The following ADAM10 variants were observed in gnomAD, a reference collection of about 807,000 sequenced individuals.
ADAM10 encodes ADAM metallopeptidase domain 10, also known as disintegrin and metalloproteinase domain-containing protein 10.
A neutral mutation model predicts 90.1 loss-of-function variants in ADAM10; 17 were observed. The ratio of observed to expected loss-of-function variants is 0.19; its 90% CI spans 0.13 to 0.28. The LOEUF (loss-of-function observed/expected upper bound fraction) is 0.28. ADAM10 is among the 10% of genes least tolerant of loss of function. ADAM10 has a pLI of 1.00. For missense variants in ADAM10, 610 were observed against 914.3 expected (o/e 0.67, Z 4.29); for synonymous variants, 310 against 298.6 (o/e 1.04, Z -0.40).
In ADAM10 at chr15:58,611,032, T is replaced by C. The variant is rs755991326; in HGVS notation, c.1771A>G (p.Lys591Glu). 1 of 1,613,780 alleles carries C rather than the reference T, an allele frequency of 6.2e-7. No homozygotes were observed. The highest frequency in any genetic ancestry group is 1.1e-5 in the South Asian group (1 of 91,078). ...ATACAGCATACATGGCATAATTCTT[T>C]ATCATCTTTGCCATCAGAACTGGCA... The part of the protein sequence containing the change: ...TCASSDGKDD[K>E]ELCHVCCMKK... The change falls in exon 13 of 16, where the codon AAA (lysine) becomes GAA (glutamate). Residue 591 changes from lysine to glutamate, a missense_variant. Transcript: ENST00000260408.
intron 14 of ADAM10, among the ~76,000 whole-genome samples, chr15:58,603,749 C>T (rs1305340662): frequency 1.3e-5 from 2 of 151,878 alleles, no homozygotes; most frequent in Middle Eastern, 3.4e-3. Context: ...AAAACTTGAG[C>T]ACACGATAAA....
At chr15:58,710,504 T>A (rs1898440233) in intron 2 of ADAM10, among the ~76,000 whole-genome samples, 1 of 152,208 alleles carries the variant, frequency 6.6e-6, no homozygotes, top group Admixed American at 6.5e-5. Context: ...ACAGCTTTCT[T>A]GGGATTTTAA....
intron 2 of ADAM10, among the ~76,000 whole-genome samples, chr15:58,702,626 AAAT>A (rs1414674371): frequency 6.6e-6 from 1 of 152,230 alleles, no homozygotes; most frequent in Non-Finnish European, 1.5e-5. Flanking sequence ...TTTTAAAACA[AAAT>A]AATGTCTAAG....
chr15:58,657,847 G>A (rs1453577969), intron 5 of ADAM10, among the ~76,000 whole-genome samples: 1 of 151,372 alleles, frequency 6.6e-6, no homozygotes, highest in Non-Finnish European at 1.5e-5. Flanking sequence ...TTCTTGGAAA[G>A]GCTTTCCAGG....
intron 9 of ADAM10, 37 bp from the exon 10 acceptor site, chr15:58,627,920 T>A: frequency 6.3e-7 from 1 of 1,599,620 alleles, no homozygotes. Context: ...AAACAGGAAG[T>A]AAAATAAGGT....
chr15:58,706,495 T>A (rs1055858113), intron 2 of ADAM10, among the ~76,000 whole-genome samples: 3 of 152,216 alleles, frequency 2.0e-5, no homozygotes, highest in Non-Finnish European at 4.4e-5. Flanking sequence ...AAGTTGCCAA[T>A]ATTAACAACA....
intron 5 of ADAM10, 91 bp from the exon 6 acceptor site, chr15:58,646,295 T>C (rs1320557195): frequency 1.5e-6 from 2 of 1,305,446 alleles, no homozygotes; most frequent in African/African-American, 3.0e-5. Context: ...CAATTTCATA[T>C]TCTGCTTTAT....
chr15:58,742,450 A>C (rs1247329597), intron 1 of ADAM10, among the ~76,000 whole-genome samples: 2 of 152,162 alleles, frequency 1.3e-5, no homozygotes, highest in Non-Finnish European at 2.9e-5. Context: ...CATTACATAC[A>C]TTTTCGACTT....
chr15:58,606,017 G>C (rs180760292), intron 14 of ADAM10, among the ~76,000 whole-genome samples: 4 of 152,234 alleles, frequency 2.6e-5, no homozygotes, highest in Non-Finnish European at 4.4e-5. Context: ...TCAGACATAA[G>C]ATAATCTACT....
At chr15:58,615,064 G>A (rs554241159) in intron 11 of ADAM10, among the ~76,000 whole-genome samples, 160 of 152,202 alleles carry the variant, frequency 1.1e-3, no homozygotes, top group African/African-American at 3.7e-3. Flanking sequence ...CACGAGGTCA[G>A]GAGATCGAAA....
intron 1 of ADAM10, 107 bp downstream of exon 1, chr15:58,749,373 G>A: frequency 8.1e-7 from 1 of 1,234,616 alleles, no homozygotes; most frequent in East Asian, 3.6e-5. Context: ...CCGCTGGCCG[G>A]CTGGGCTGAC....
intron 1 of ADAM10, among the ~76,000 whole-genome samples, chr15:58,745,884 G>C (rs1899775424): frequency 6.6e-6 from 1 of 152,120 alleles, no homozygotes; most frequent in Non-Finnish European, 1.5e-5. Flanking sequence ...ACTAGTATCT[G>C]GATTTCCAAG....
At chr15:58,706,620 G>A (rs2140798858) in intron 2 of ADAM10, among the ~76,000 whole-genome samples, 2 of 152,220 alleles carry the variant, frequency 1.3e-5, no homozygotes, top group South Asian at 4.1e-4. Flanking sequence ...GGGAAGAGGA[G>A]AGGAACTGGA....
chr15:58,615,242 C>A (rs1055410291), intron 11 of ADAM10, among the ~76,000 whole-genome samples: 9 of 135,400 alleles, frequency 6.6e-5, no homozygotes, highest in African/African-American at 2.5e-4. Flanking sequence ...CCACTGCACT[C>A]GAGCCTGGGC....
At chr15:58,662,355 C>G (rs1335691163) in intron 5 of ADAM10, among the ~76,000 whole-genome samples, 2 of 152,164 alleles carry the variant, frequency 1.3e-5, no homozygotes, top group African/African-American at 4.8e-5. Context: ...TTTTTAGAGA[C>G]AGGGTCTCGC....
At chr15:58,692,066 G>C in intron 2 of ADAM10, 2 of 473,464 alleles carry the variant, frequency 4.2e-6, no homozygotes, top group South Asian at 3.0e-5. Context: ...AGATCCTTAA[G>C]AGTCAACCAT....
At position 58,739,814 on chromosome 15, in the gene ADAM10, T is replaced by C. The variant is rs138101082; in HGVS notation, c.55+9666A>G. On this transcript the variant is annotated intron_variant, in intron 1 of 15. Coordinates refer to ENST00000260408, the MANE Select transcript of ADAM10 (RefSeq NM_001110.4). ...AAAATCATTATGACATTCAGTTTCA[T>C]GTAATGAGACTATTTCCATAATATA... is the stretch of plus-strand genomic sequence containing the variant. Among the ~76,000 whole-genome samples the C allele has an allele frequency of 2.2e-3, 337 of 152,346 alleles. 1 individual carries two copies. The highest frequency in any genetic ancestry group is 0.011 in the South Asian group (53 of 4,832).
chr15:58,724,056 C>A (rs148612874), intron 1 of ADAM10, among the ~76,000 whole-genome samples: 1,783 of 151,936 alleles, frequency 0.012, 25 homozygotes, highest in African/African-American at 0.033. Context: ...CATGGTGAAA[C>A]CCTGTCTCCA....
chr15:58,664,060 C>T (rs1217308726), intron 5 of ADAM10, among the ~76,000 whole-genome samples: 2 of 152,078 alleles, frequency 1.3e-5, no homozygotes, highest in African/African-American at 4.8e-5. Flanking sequence ...ACTCTACCCT[C>T]ATGTTAAAAA....
Sources: gnomAD v4.1 joint callset for allele counts (sites outside exome capture counted in the v4.1 genomes callset) on GRCh38, gnomAD v4.1.1 for gene constraint, MANE v1.5 for transcripts, NCBI Gene and HGNC (gene_info 2026-07-23, HGNC 2026-07-21) for gene names.